The following EPM2A variants were observed in gnomAD, a reference collection of about 807,000 sequenced individuals.
EPM2A encodes the protein laforin.
Under a neutral mutation model 26.5 loss-of-function variants are expected in EPM2A, and 21 were observed. The observed-to-expected ratio is 0.79, with a 90% CI of 0.56 to 1.14. The LOEUF (loss-of-function observed/expected upper bound fraction) is 1.14. Ranked by LOEUF, EPM2A falls within the 50% of genes most tolerant of loss-of-function variation. The pLI is 0.00. For synonymous variants in EPM2A, 217 were observed against 177.6 expected (o/e 1.22, Z -1.76); for missense variants, 458 against 440.8 (o/e 1.04, Z -0.35).
intron 1 of EPM2A, among the ~76,000 whole-genome samples, chr6:145,729,965 AT>A (rs1260069146): frequency 1.3e-5 from 2 of 152,134 alleles, no homozygotes; most frequent in Non-Finnish European, 2.9e-5. Flanking sequence ...TCTCATGATG[AT>A]AGTGAGTAGG....
At chr6:145,675,765 C>G (rs1346028720) in intron 2 of EPM2A, among the ~76,000 whole-genome samples, 1 of 152,216 alleles carries the variant, frequency 6.6e-6, no homozygotes, top group Non-Finnish European at 1.5e-5. Context: ...AATACAGGAG[C>G]ACCCAGATTC....
intron 2 of EPM2A, among the ~76,000 whole-genome samples, chr6:145,525,176 A>C (rs913671970): frequency 6.6e-6 from 1 of 151,944 alleles, no homozygotes; most frequent in Non-Finnish European, 1.5e-5. Context: ...CTGCAGCCTT[A>C]CAGTACAGTT....
At chr6:145,544,205 T>A (rs1305707318) in intron 2 of EPM2A, among the ~76,000 whole-genome samples, 1 of 152,052 alleles carries the variant, frequency 6.6e-6, no homozygotes, top group Non-Finnish European at 1.5e-5. Flanking sequence ...CTAACCTCCA[T>A]CAGAAAGGCC....
chr6:145,608,702 A>G (rs112436628), intron 2 of EPM2A, among the ~76,000 whole-genome samples: 2,025 of 152,286 alleles, frequency 0.013, 22 homozygotes, highest in South Asian at 0.023. Context: ...ATTTTCAAAG[A>G]GCCATACACT....
In EPM2A at chr6:145,603,055, C is replaced by CA. The variant is rs1370371846; in HGVS notation, c.340+32189dup. Among the ~76,000 whole-genome samples, 3 of 152,090 alleles carry CA rather than the reference C, an allele frequency of 2.0e-5. No homozygotes were observed. The East Asian group carries it at 5.8e-4, about 29-fold the overall frequency. Reference sequence around the variant, plus strand: ...TTCAATGAAGTGGCCAGAGAGATCCCAAGTCCAGAGACAGAATAACAGGAG... The same window carrying CA: ...TTCAATGAAGTGGCCAGAGAGATCCCAAAGTCCAGAGACAGAATAACAGGAG... On this transcript the variant is annotated intron_variant, in intron 2 of 3. Transcript: ENST00000450221.
At chr6:145,534,488 A>G (rs1462085832) in intron 2 of EPM2A, among the ~76,000 whole-genome samples, 1 of 152,250 alleles carries the variant, frequency 6.6e-6, no homozygotes, top group African/African-American at 2.4e-5. Flanking sequence ...AGTCATTTTT[A>G]CAAAAACATA....
intron 2 of EPM2A, among the ~76,000 whole-genome samples, chr6:145,596,877 CTTTTTTTTTTTTTTT>C (rs869211299): frequency 2.7e-5 from 2 of 73,498 alleles, no homozygotes; most frequent in Non-Finnish European, 4.8e-5. Flanking sequence ...TCTCCGAGAT[CTTTTTTTTTTTTTTT>C]TTTTTTTTTT....
At chr6:145,415,408 A>G (rs1034407943) in intron 4 of EPM2A, among the ~76,000 whole-genome samples, 2 of 152,166 alleles carry the variant, frequency 1.3e-5, no homozygotes, top group East Asian at 3.8e-4. Context: ...GTCCACAGAT[A>G]CTCTAGCCTT....
rs1583072083 is a variant in EPM2A, at chr6:145,696,372, A to T, written c.302-10076T>A. Among the ~76,000 whole-genome samples the T allele has an allele frequency of 2.0e-5, 3 of 152,284 alleles. No individual in the cohort carries two copies. In the East Asian group the frequency reaches 5.8e-4, roughly 29 times the overall value. On this transcript the variant is annotated intron_variant, in intron 1 of 3. Transcript: ENST00000367519. Reference sequence around the variant, plus strand: ...AATAAGTTTTTGAGATCCATTGCACAGTAGGGTGACTAAAGTCAATAATAT... The same window carrying T: ...AATAAGTTTTTGAGATCCATTGCACTGTAGGGTGACTAAAGTCAATAATAT...
In EPM2A at chr6:145,685,904, G is replaced by T. The variant is rs1264312178; in HGVS notation, c.476+218C>A. Among the ~76,000 whole-genome samples the T allele has an allele frequency of 2.0e-5, 3 of 152,162 alleles. No individual in the cohort carries two copies. The South Asian group carries it at 6.2e-4, about 32-fold the overall frequency. The stretch of plus-strand genomic sequence containing the variant: ...CTGGTCAAAACATATTGATGCTAGG[G>T]TATGCATTTATTAAAGAATTCTATT... On this transcript the variant is annotated intron_variant, in intron 2 of 3. Coordinates refer to ENST00000367519, the MANE Select transcript of EPM2A (RefSeq NM_005670.4).
At chr6:145,528,369 CA>C (rs1222419897) in intron 2 of EPM2A, among the ~76,000 whole-genome samples, 7 of 152,214 alleles carry the variant, frequency 4.6e-5, no homozygotes, top group African/African-American at 1.4e-4. Flanking sequence ...TGCTTGGCTT[CA>C]AAATCTCAAA....
chr6:145,489,979 C>A (rs1779733434), intron 4 of EPM2A: 2 of 1,385,734 alleles, frequency 1.4e-6, no homozygotes, highest in Non-Finnish European at 2.0e-6. Context: ...AACAAAGTAC[C>A]TGGCTGTCCT....
Position 145,411,944 on chromosome 6 carries a change from G to T in EPM2A, c.556-27847C>A, listed in dbSNP as rs147968373. Among the ~76,000 whole-genome samples the T allele has an allele frequency of 8.3e-4, 127 of 152,264 alleles. 1 individual carries two copies. Among genetic ancestry groups the T allele is most frequent in the African/African-American group, 2.9e-3 (119 of 41,566 alleles). ...TTGATAAAGAATTTCATCTGACTGG[G>T]TGTGGTGGCTCAAGCCTGTAATCCC... On this transcript the variant is annotated intron_variant, in intron 4 of 4. Transcript: ENST00000638717.
At chr6:145,588,722 T>A (rs887293919) in intron 2 of EPM2A, among the ~76,000 whole-genome samples, 3 of 152,160 alleles carry the variant, frequency 2.0e-5, no homozygotes, top group Non-Finnish European at 4.4e-5. Flanking sequence ...GTTGAAGAGT[T>A]TAAAATGATT....
chr6:145,591,675 G>A (rs892587767), intron 2 of EPM2A, among the ~76,000 whole-genome samples: 3 of 151,976 alleles, frequency 2.0e-5, no homozygotes, highest in African/African-American at 4.8e-5. Flanking sequence ...GACCTGCACC[G>A]TAAGAAACGT....
At chr6:145,474,365 G>A (rs1349067258) in intron 4 of EPM2A, among the ~76,000 whole-genome samples, 2 of 152,218 alleles carry the variant, frequency 1.3e-5, no homozygotes, top group South Asian at 2.1e-4. Flanking sequence ...AGGAGGCTGA[G>A]GCAGGAGAAT....
intron 2 of EPM2A, among the ~76,000 whole-genome samples, chr6:145,677,569 A>G (rs1070517): frequency 0.63 from 95,246 of 152,092 alleles, 30,259 homozygotes; most frequent in East Asian, 0.74. Context: ...AAGCTGATAC[A>G]CAACTTCAGC....
chr6:145,560,759 A>G (rs1016244112), intron 2 of EPM2A, among the ~76,000 whole-genome samples: 3 of 152,162 alleles, frequency 2.0e-5, no homozygotes, highest in Admixed American at 2.0e-4. Flanking sequence ...AAGGGATGTC[A>G]GGTATCAAAA....
intron 2 of EPM2A, among the ~76,000 whole-genome samples, chr6:145,522,703 G>C (rs1443304134): frequency 1.3e-5 from 2 of 151,992 alleles, no homozygotes; most frequent in East Asian, 1.9e-4. Context: ...ATTGCTTCAG[G>C]ATAAAATGCA....
Sources: allele counts gnomAD v4.1 joint callset (sites outside exome capture counted in the v4.1 genomes callset), GRCh38; gene constraint gnomAD v4.1.1; transcripts MANE v1.5; gene names NCBI Gene and HGNC (gene_info 2026-07-23, HGNC 2026-07-21).